MPP7: variants seen among roughly 807,000 people sequenced by gnomAD.
MPP7 encodes the protein MAGUK p55 scaffold protein 7, also known as MAGUK p55 subfamily member 7.
In MPP7, 60 loss-of-function variants were observed where a neutral mutation model predicts 76.5. The observed-to-expected ratio is 0.78, with a 90% CI of 0.64 to 0.97. The LOEUF is 0.97. Among genes scored for constraint, MPP7 ranks in the 50% least tolerant of loss-of-function variants. MPP7 has a pLI of 0.00. For missense variants in MPP7, 641 were observed against 694.0 expected (o/e 0.92, Z 0.86); for synonymous variants, 237 against 244.5 (o/e 0.97, Z 0.29).
At chr10:28,100,257 T>G (rs1245412779) in intron 11 of MPP7, among the ~76,000 whole-genome samples, 1 of 152,118 alleles carries the variant, frequency 6.6e-6, no homozygotes, top group African/African-American at 2.4e-5. Flanking sequence ...AATGCTGTTA[T>G]AATAGTGCAA....
intron 1 of MPP7, among the ~76,000 whole-genome samples, chr10:28,239,297 C>A (rs1200981310): frequency 6.6e-6 from 1 of 151,840 alleles, no homozygotes; most frequent in African/African-American, 2.4e-5. Flanking sequence ...AGGGGCCCGC[C>A]ACCAAGCCTG....
chr10:28,287,318 C>A (rs1049361095), intron 1 of MPP7, among the ~76,000 whole-genome samples: 5 of 152,014 alleles, frequency 3.3e-5, no homozygotes, highest in Non-Finnish European at 7.4e-5. Flanking sequence ...GAGGGTAGAT[C>A]TCATGTTAAG....
chr10:28,264,055 G>A (rs1240957550), intron 1 of MPP7, among the ~76,000 whole-genome samples: 1 of 152,148 alleles, frequency 6.6e-6, no homozygotes, highest in African/African-American at 2.4e-5. Flanking sequence ...CCAGCACTTT[G>A]GGAGGCCGAG....
At chr10:28,256,140 G>A (rs1038803623) in intron 1 of MPP7, among the ~76,000 whole-genome samples, 1 of 152,050 alleles carries the variant, frequency 6.6e-6, no homozygotes, top group African/African-American at 2.4e-5. Context: ...ACTTTGGAGA[G>A]GGAATTTCTA....
chr10:28,231,189 A>G (rs1838871095), intron 2 of MPP7, among the ~76,000 whole-genome samples: 1 of 151,998 alleles, frequency 6.6e-6, no homozygotes, highest in Admixed American at 6.5e-5. Flanking sequence ...AAAAAATGAA[A>G]AAAACTCTTA....
intron 2 of MPP7, among the ~76,000 whole-genome samples, chr10:28,315,453 C>T (rs561136935): frequency 2.0e-5 from 3 of 152,184 alleles, no homozygotes; most frequent in Non-Finnish European, 2.9e-5. Flanking sequence ...GCCCCCTTTT[C>T]GAGCTGGCAT....
intron 2 of MPP7, among the ~76,000 whole-genome samples, chr10:28,216,280 C>G (rs533024404): frequency 6.6e-6 from 1 of 151,896 alleles, no homozygotes; most frequent in African/African-American, 2.4e-5. Context: ...GGTGCCACTG[C>G]ACTCCAGGCT....
At chr10:28,227,310 T>C (rs1471018269) in intron 2 of MPP7, among the ~76,000 whole-genome samples, 1 of 152,202 alleles carries the variant, frequency 6.6e-6, no homozygotes, top group Non-Finnish European at 1.5e-5. Context: ...TTTTTAAATT[T>C]AATTTTTATT....
At chr10:28,175,739 AC>A (rs1836838791) in intron 3 of MPP7, among the ~76,000 whole-genome samples, 1 of 152,198 alleles carries the variant, frequency 6.6e-6, no homozygotes, top group Non-Finnish European at 1.5e-5. Context: ...CTGATCTTCA[AC>A]TATTAATGTA....
At chr10:28,117,921 A>G (rs1834708097) in intron 11 of MPP7, among the ~76,000 whole-genome samples, 1 of 152,080 alleles carries the variant, frequency 6.6e-6, no homozygotes. Flanking sequence ...CTCTAGTTTA[A>G]TAAGAGAGAC....
At chr10:28,109,481 A>G (rs1208562533) in intron 11 of MPP7, among the ~76,000 whole-genome samples, 1 of 152,080 alleles carries the variant, frequency 6.6e-6, no homozygotes, top group African/African-American at 2.4e-5. Context: ...TTTATCTTAT[A>G]TCAAAAATAT....
intron 1 of MPP7, among the ~76,000 whole-genome samples, chr10:28,290,381 T>A (rs535635924): frequency 4.6e-5 from 7 of 152,054 alleles, no homozygotes; most frequent in Non-Finnish European, 8.8e-5. Flanking sequence ...CTTGAACTTC[T>A]TACCTACCTT....
chr10:28,334,173 T>C (rs942949238), intron 1 of MPP7, among the ~76,000 whole-genome samples: 6 of 151,238 alleles, frequency 4.0e-5, no homozygotes, highest in Non-Finnish European at 8.8e-5. Context: ...TGCACTCCAG[T>C]CTGGGTGACA....
chr10:28,127,625 T>C (rs1487787799), intron 6 of MPP7, among the ~76,000 whole-genome samples: 1 of 152,136 alleles, frequency 6.6e-6, no homozygotes, highest in East Asian at 1.9e-4. Context: ...TTATTCACTA[T>C]CACAAGAACA....
intron 2 of MPP7, among the ~76,000 whole-genome samples, chr10:28,228,255 C>T (rs574106632): frequency 1.3e-5 from 2 of 152,130 alleles, no homozygotes; most frequent in African/African-American, 4.8e-5. Flanking sequence ...ATGACACTGA[C>T]GATATCAGTA....
intron 12 of MPP7, among the ~76,000 whole-genome samples, chr10:28,080,225 T>C (rs1355122679): frequency 6.6e-6 from 1 of 152,184 alleles, no homozygotes; most frequent in Non-Finnish European, 1.5e-5. Context: ...AGCTATTTAC[T>C]CTACGCTTAT....
At chr10:28,260,220 C>T (rs778149533) in intron 1 of MPP7, among the ~76,000 whole-genome samples, 1 of 152,064 alleles carries the variant, frequency 6.6e-6, no homozygotes, top group African/African-American at 2.4e-5. Flanking sequence ...TTAATACATG[C>T]TTAATTATCT....
intron 11 of MPP7, among the ~76,000 whole-genome samples, chr10:28,117,805 C>T (rs1564638980): frequency 6.6e-6 from 1 of 151,864 alleles, no homozygotes; most frequent in Admixed American, 6.6e-5. Flanking sequence ...TGAACAAGTC[C>T]ATATCTGTTA....
At chr10:28,178,061 T>C (rs1836935167) in intron 3 of MPP7, among the ~76,000 whole-genome samples, 1 of 152,154 alleles carries the variant, frequency 6.6e-6, no homozygotes, top group Non-Finnish European at 1.5e-5. Context: ...TTTTTCATCC[T>C]TTCCCTCTGA....
Sources: allele counts gnomAD v4.1 joint callset (sites outside exome capture counted in the v4.1 genomes callset), GRCh38; gene constraint gnomAD v4.1.1; transcripts MANE v1.5; gene names NCBI Gene and HGNC (gene_info 2026-07-23, HGNC 2026-07-21).